The following RSBN1L variants were observed in gnomAD, a reference collection of about 807,000 sequenced individuals.
The protein encoded by RSBN1L is lysine-specific demethylase RSBN1L.
RSBN1L carries 30 observed loss-of-function variants against 67.7 expected under a neutral mutation model. The observed-to-expected ratio is 0.44, with a 90% CI of 0.33 to 0.60. The LOEUF is 0.60. Among genes scored for constraint, RSBN1L ranks in the 20% least tolerant of loss-of-function variants. The pLI is 0.02. For missense variants in RSBN1L, 992 were observed against 1,031.7 expected, an observed-to-expected ratio of 0.96 and a Z score of 0.53; for synonymous variants, 433 against 387.0, an observed-to-expected ratio of 1.12 and a Z score of -1.39.
At chr7:77,768,320 A>G (rs6972210) in intron 4 of RSBN1L, 39,621 of 169,498 alleles carry the variant, frequency 0.23, 5,743 homozygotes, top group Non-Finnish European at 0.33. Flanking sequence ...GTTCATTTTT[A>G]TAGATTCTTA....
chr7:77,729,306 GC>G (rs1201838708), intron 1 of RSBN1L, among the ~76,000 whole-genome samples: 2 of 152,138 alleles, frequency 1.3e-5, no homozygotes, highest in Non-Finnish European at 2.9e-5. Flanking sequence ...GTTTCTGGGG[GC>G]CCCATAGCTG....
Position 77,770,374 on chromosome 7 carries a change from C to CA in RSBN1L, c.1625+1579dup, listed in dbSNP as rs947382909. ...TGGCCGATAGAGCGAGACTCTGTTT[C>CA]AAAAAAAAGAGTATAGTGAAATACG... On this transcript the variant is annotated intron_variant, in intron 5 of 7. Coordinates refer to ENST00000334955, the MANE Select transcript of RSBN1L (RefSeq NM_198467.3). Among the ~76,000 whole-genome samples, 18 of 151,346 alleles carry CA rather than the reference C, an allele frequency of 1.2e-4. No homozygotes were observed. The South Asian group carries it at 2.5e-3, about 21-fold the overall frequency.
chr7:77,775,642 C>T (rs542388962), intron 6 of RSBN1L, among the ~76,000 whole-genome samples: 1 of 152,054 alleles, frequency 6.6e-6, no homozygotes, highest in East Asian at 1.9e-4. Flanking sequence ...TGGTGTTTTT[C>T]ATTTCTAATT....
chr7:77,770,710 T>A (rs1791837327), intron 5 of RSBN1L, among the ~76,000 whole-genome samples: 1 of 152,074 alleles, frequency 6.6e-6, no homozygotes, highest in South Asian at 2.1e-4. Flanking sequence ...ATAGTTAAAG[T>A]TTTAAAAAAT....
chr7:77,711,875 G>C (rs1403801360), intron 1 of RSBN1L, among the ~76,000 whole-genome samples: 4 of 152,090 alleles, frequency 2.6e-5, no homozygotes, highest in African/African-American at 9.7e-5. Context: ...ATATACAATG[G>C]AAAAACCATA....
chr7:77,722,531 A>T (rs1210513834), intron 1 of RSBN1L, among the ~76,000 whole-genome samples: 4 of 152,174 alleles, frequency 2.6e-5, no homozygotes, highest in Non-Finnish European at 5.9e-5. Context: ...TGTGTTAGCG[A>T]GGGGCTGTGA....
intron 1 of RSBN1L, among the ~76,000 whole-genome samples, chr7:77,698,437 C>T (rs1790770268): frequency 6.6e-6 from 1 of 152,192 alleles, no homozygotes; most frequent in Admixed American, 6.5e-5. Flanking sequence ...TTGGTATCAT[C>T]ACTAGTGTTT....
At chr7:77,735,981 CATA>C (rs1303811282) in intron 1 of RSBN1L, among the ~76,000 whole-genome samples, 1 of 152,066 alleles carries the variant, frequency 6.6e-6, no homozygotes, top group African/African-American at 2.4e-5. Context: ...TTATAGTAAC[CATA>C]ATGAGGAAGG....
At chr7:77,742,263 G>A (rs1336437704) in intron 2 of RSBN1L, among the ~76,000 whole-genome samples, 1 of 147,806 alleles carries the variant, frequency 6.8e-6, no homozygotes, top group Non-Finnish European at 1.5e-5. Context: ...CACAGTGAAA[G>A]GATACAAAGT....
At chr7:77,777,096 AC>A (rs1791928694) in intron 6 of RSBN1L, among the ~76,000 whole-genome samples, 1 of 151,552 alleles carries the variant, frequency 6.6e-6, no homozygotes, top group South Asian at 2.1e-4. Flanking sequence ...ACCACAATCT[AC>A]CTTCAAATAA....
At chr7:77,731,071 A>T (rs1015318990) in intron 1 of RSBN1L, among the ~76,000 whole-genome samples, 1 of 152,158 alleles carries the variant, frequency 6.6e-6, no homozygotes, top group East Asian at 1.9e-4. Flanking sequence ...GGTCATTCTA[A>T]TAGGTGTGTA....
At chr7:77,697,995 A>G (rs1181264063) in intron 1 of RSBN1L, among the ~76,000 whole-genome samples, 4 of 152,252 alleles carry the variant, frequency 2.6e-5, no homozygotes, top group African/African-American at 4.8e-5. Flanking sequence ...AATCTTTATT[A>G]TAAATGTGCA....
intron 3 of RSBN1L, among the ~76,000 whole-genome samples, chr7:77,751,197 T>G (rs529922916): frequency 6.6e-6 from 1 of 152,166 alleles, no homozygotes; most frequent in South Asian, 2.1e-4. Flanking sequence ...TGGAGTGCAG[T>G]GGTGCGACCT....
At chr7:77,746,208 T>G (rs6465793) in intron 2 of RSBN1L, among the ~76,000 whole-genome samples, 87,389 of 152,032 alleles carry the variant, frequency 0.57, 26,995 homozygotes, top group African/African-American at 0.81. Flanking sequence ...AGAGGTTTAA[T>G]TGGCTCATGG....
chr7:77,724,117 T>G (rs955279909), intron 1 of RSBN1L, among the ~76,000 whole-genome samples: 6 of 152,074 alleles, frequency 3.9e-5, no homozygotes, highest in African/African-American at 1.4e-4. Flanking sequence ...TTTTCTCCTC[T>G]TGATTAACTA....
intron 1 of RSBN1L, among the ~76,000 whole-genome samples, chr7:77,705,233 A>G (rs1790875014): frequency 6.6e-6 from 1 of 152,198 alleles, no homozygotes; most frequent in African/African-American, 2.4e-5. Flanking sequence ...TGAAGATACC[A>G]GTCCAGCATA....
In RSBN1L at chr7:77,778,502, T is replaced by C. The variant is rs1374070047; in HGVS notation, c.1903-28T>C. 4 of 1,596,370 alleles carry C rather than the reference T, an allele frequency of 2.5e-6. No homozygotes were observed. The East Asian group carries it at 6.7e-5, about 27-fold the overall frequency. ...TAGTTTTTATTATGAAGAGAGTTATTTGTATTTCTTGTTTTATTATTTTTT... is the reference window on the plus strand; with the variant it reads ...TAGTTTTTATTATGAAGAGAGTTATCTGTATTTCTTGTTTTATTATTTTTT... On this transcript the variant is annotated intron_variant, in intron 7 of 7. Coordinates refer to ENST00000334955, the MANE Select transcript of RSBN1L (RefSeq NM_198467.3).
At position 77,696,459 on chromosome 7, in the gene RSBN1L, A is replaced by G. The variant is rs764670442; in HGVS notation, c.-11A>G. ...GCTAGCGGAGGAGAGTAAATACAAC[A>G]GGAGCGCAAAATGGCGGAACCGCCG... On this transcript the variant is annotated 5_prime_UTR_variant, in exon 1 of 8. Coordinates refer to ENST00000334955, the MANE Select transcript of RSBN1L (RefSeq NM_198467.3). 5.0e-6 allele frequency: 8 copies of G among 1,599,080 alleles called. No homozygotes were observed. The highest frequency in any genetic ancestry group is 6.8e-6 in the Non-Finnish European group (8 of 1,172,248).
chr7:77,754,191 C>G (rs1019570013), intron 3 of RSBN1L, among the ~76,000 whole-genome samples: 2 of 152,124 alleles, frequency 1.3e-5, no homozygotes, highest in Non-Finnish European at 2.9e-5. Context: ...GTGTGAGCCA[C>G]TGTGCCTAGC....
Sources: allele counts gnomAD v4.1 joint callset (sites outside exome capture counted in the v4.1 genomes callset), GRCh38; gene constraint gnomAD v4.1.1; transcripts MANE v1.5; gene names NCBI Gene and HGNC (gene_info 2026-07-23, HGNC 2026-07-21).